Variants in BRINP2 observed in about 807,000 individuals in gnomAD.
BRINP2 encodes the protein BMP/retinoic acid inducible neural specific 2.
BRINP2 carries 21 observed loss-of-function variants against 69.2 expected under a neutral mutation model. The observed-to-expected ratio is 0.30, with a 90% CI of 0.22 to 0.44. The LOEUF is 0.44. Among genes scored for constraint, BRINP2 ranks in the 20% least tolerant of loss-of-function variants. The pLI, the probability that BRINP2 is intolerant of heterozygous loss-of-function variation, is 1.00. For missense variants in BRINP2, 877 were observed against 986.0 expected (o/e 0.89, Z 1.48); for synonymous variants, 380 against 394.1 (o/e 0.96, Z 0.42).
intron 1 of BRINP2, among the ~76,000 whole-genome samples, chr1:177,202,500 A>G (rs986529451): frequency 6.6e-6 from 1 of 152,154 alleles, no homozygotes; most frequent in African/African-American, 2.4e-5. Context: ...GTTTCCATGT[A>G]GTTGAGTGGT....
chr1:177,206,887 G>A (rs990733755), intron 1 of BRINP2, among the ~76,000 whole-genome samples: 1 of 152,138 alleles, frequency 6.6e-6, no homozygotes, highest in Non-Finnish European at 1.5e-5. Flanking sequence ...AGACATATGT[G>A]GATAGAAGAG....
rs139467636 is a variant in BRINP2, at chr1:177,205,313, G to T, written c.-76-24488G>T. ...CCACCACTATGTCTGGCTAAATTTTGTATTTTTAGTAGAGACAGAGTTTCG... is the reference window on the plus strand; with the variant it reads ...CCACCACTATGTCTGGCTAAATTTTTTATTTTTAGTAGAGACAGAGTTTCG... On this transcript the variant is annotated intron_variant, in intron 1 of 7. Coordinates refer to ENST00000361539, the MANE Select transcript of BRINP2 (RefSeq NM_021165.4). 3.5e-3 allele frequency among the ~76,000 whole-genome samples: 540 copies of T among 152,192 alleles called. 8 individuals carry two copies. Among genetic ancestry groups the T allele is most frequent in the African/African-American group, 0.011 (473 of 41,514 alleles).
chr1:177,227,399 T>G (rs949514427), intron 1 of BRINP2, among the ~76,000 whole-genome samples: 1 of 152,232 alleles, frequency 6.6e-6, no homozygotes, highest in African/African-American at 2.4e-5. Flanking sequence ...ATGTTAGAAT[T>G]TCAGGTAATG....
intron 1 of BRINP2, among the ~76,000 whole-genome samples, chr1:177,218,084 G>A (rs1035500044): frequency 1.3e-5 from 2 of 152,196 alleles, no homozygotes; most frequent in Admixed American, 6.5e-5. Flanking sequence ...GAGAAGAACT[G>A]ATTAAACTCC....
intron 4 of BRINP2, among the ~76,000 whole-genome samples, 172 bp downstream of exon 4, chr1:177,257,556 T>C (rs1650810347): frequency 6.6e-6 from 1 of 152,132 alleles, no homozygotes; most frequent in African/African-American, 2.4e-5. Context: ...TTCATTCCAC[T>C]GCAGACACTC....
At chr1:177,237,289 C>G (rs1252327103) in intron 2 of BRINP2, among the ~76,000 whole-genome samples, 1 of 152,202 alleles carries the variant, frequency 6.6e-6, no homozygotes, top group Non-Finnish European at 1.5e-5. Flanking sequence ...ACAGACAAAA[C>G]AGGATACTAC....
intron 1 of BRINP2, among the ~76,000 whole-genome samples, chr1:177,203,068 G>T (rs1206452360): frequency 6.6e-6 from 1 of 152,046 alleles, no homozygotes; most frequent in African/African-American, 2.4e-5. Context: ...CAAAGACTTG[G>T]AACCAACCCA....
rs1558189221 is a variant in BRINP2, at chr1:177,280,423, A to G, written c.1247A>G (p.Tyr416Cys). 1.9e-6 allele frequency: 3 copies of G among 1,607,498 alleles called. No individual in the cohort carries two copies. Among genetic ancestry groups the G allele is most frequent in the Non-Finnish European group, 2.5e-6 (3 of 1,176,672 alleles). ...FRLPKERSLS[Y>C]WWNRIQSLLY... Reference sequence around the variant, plus strand: ...CTCTGCTCCCCAAGGTCCTTGTCCTACTGGTGGAACCGAATCCAGTCCCTC... The same window carrying G: ...CTCTGCTCCCCAAGGTCCTTGTCCTGCTGGTGGAACCGAATCCAGTCCCTC... The change falls in exon 8 of 8, where the codon TAC becomes TGC. Residue 416 changes from tyrosine to cysteine, a missense_variant. Physicochemically the swap from Tyr to Cys is radical, Grantham distance 194 (BLOSUM62 -2). Transcript: ENST00000361539.
intron 1 of BRINP2, among the ~76,000 whole-genome samples, chr1:177,173,661 G>T (rs1253388562): frequency 6.6e-6 from 1 of 152,136 alleles, no homozygotes; most frequent in African/African-American, 2.4e-5. Flanking sequence ...CTCCTTTCTG[G>T]CCTCCTGACA....
At chr1:177,276,137 C>G in intron 5 of BRINP2, 61 bp from the exon 6 acceptor site, 1 of 1,476,512 alleles carries the variant, frequency 6.8e-7, no homozygotes, top group Non-Finnish European at 9.3e-7. Context: ...CAGGCTTGGG[C>G]ATGGGAAACT....
In BRINP2 at chr1:177,280,678, A is replaced by G. The variant is rs1651667135; in HGVS notation, c.1502A>G (p.Asn501Ser). 1.9e-6 allele frequency: 3 copies of G among 1,614,208 alleles called. No homozygotes were observed. Among genetic ancestry groups the G allele is most frequent in the Non-Finnish European group, 2.5e-6 (3 of 1,180,038 alleles). The part of the protein sequence containing the change: ...CRPEVAESLE[N>S]FLGLETDLQD... ...CCAGAGGTGGCCGAGTCCCTGGAAAACTTTCTTGGGCTGGAGACAGACTTG... is the reference window on the plus strand; with the variant it reads ...CCAGAGGTGGCCGAGTCCCTGGAAAGCTTTCTTGGGCTGGAGACAGACTTG... Residue 501 changes from asparagine (N) to serine (S), a missense_variant, in exon 8 of 8, where the codon AAC (asparagine) becomes AGC (serine). Coordinates refer to ENST00000361539, the MANE Select transcript of BRINP2 (RefSeq NM_021165.4).
chr1:177,209,168 T>G (rs1649152751), intron 1 of BRINP2, among the ~76,000 whole-genome samples: 1 of 151,606 alleles, frequency 6.6e-6, no homozygotes, highest in African/African-American at 2.4e-5. Flanking sequence ...CATCACAGTA[T>G]GTGGTGGCCC....
At chr1:177,179,431 C>A (rs1380182825) in intron 1 of BRINP2, among the ~76,000 whole-genome samples, 1 of 152,144 alleles carries the variant, frequency 6.6e-6, no homozygotes, top group African/African-American at 2.4e-5. Flanking sequence ...GCCTGGGTGG[C>A]CTTGGGGTAC....
At chr1:177,244,531 A>G (rs1319506746) in intron 2 of BRINP2, among the ~76,000 whole-genome samples, 4 of 152,180 alleles carry the variant, frequency 2.6e-5, no homozygotes, top group African/African-American at 9.7e-5. Flanking sequence ...TCGGGAGGCT[A>G]AGGCAGGAGA....
intron 1 of BRINP2, among the ~76,000 whole-genome samples, chr1:177,191,466 T>C (rs1271041623): frequency 1.3e-5 from 2 of 152,124 alleles, no homozygotes; most frequent in Non-Finnish European, 2.9e-5. Flanking sequence ...CGCTCTTTTT[T>C]TGTTTTGAGA....
Position 177,256,079 on chromosome 1 carries a change from A to G in BRINP2, c.430A>G (p.Thr144Ala). ...AGAAAATCTGATTAAAAAGTACGGC[A>G]CTCATTTCTTACTTTCTGCCACCCT... is the stretch of plus-strand genomic sequence containing the variant. ...VTENLIKKYGTHFLLSATLGG... is the reference protein window; with the variant it reads ...VTENLIKKYGAHFLLSATLGG... Residue 144 changes from threonine to alanine, a missense_variant, in exon 3 of 8, where the codon ACT (threonine) becomes GCT (alanine). Thr to Ala is a moderately conservative substitution (Grantham distance 58, BLOSUM62 0). This residue lies in a region of BRINP2 where 566 missense variants were observed against 625.2 expected (regional missense o/e 0.91). Transcript: ENST00000361539. The G allele has an allele frequency of 1.2e-6, 2 of 1,614,098 alleles. No homozygotes were observed. Among genetic ancestry groups the G allele is most frequent in the Non-Finnish European group, 1.7e-6 (2 of 1,179,992 alleles).
At chr1:177,201,760 GT>G (rs1164884455) in intron 1 of BRINP2, among the ~76,000 whole-genome samples, 2 of 152,174 alleles carry the variant, frequency 1.3e-5, no homozygotes, top group Admixed American at 6.5e-5. Flanking sequence ...GACTGGAATA[GT>G]TTCAGAAGGA....
At chr1:177,245,340 T>C (rs1326350375) in intron 2 of BRINP2, among the ~76,000 whole-genome samples, 1 of 152,062 alleles carries the variant, frequency 6.6e-6, no homozygotes, top group Non-Finnish European at 1.5e-5. Context: ...GGAAACTGTG[T>C]TGAAGGAACT....
At chr1:177,234,392 C>T (rs749250211) in intron 2 of BRINP2, among the ~76,000 whole-genome samples, 7 of 152,222 alleles carry the variant, frequency 4.6e-5, no homozygotes, top group Non-Finnish European at 1.0e-4. Context: ...CACGCACCTA[C>T]TCAGGCACCT....
Sources: gnomAD v4.1 joint callset for allele counts (sites outside exome capture counted in the v4.1 genomes callset) on GRCh38, gnomAD v4.1.1 for gene constraint, gnomAD v4.1.1 regional missense constraint, MANE v1.5 for transcripts, NCBI Gene and HGNC (gene_info 2026-07-23, HGNC 2026-07-21) for gene names.